The following NPEPPS variants were observed in gnomAD, a reference collection of about 807,000 sequenced individuals.
NPEPPS encodes the protein puromycin-sensitive aminopeptidase.
In NPEPPS, 14 loss-of-function variants were observed where a neutral mutation model predicts 115.5. The ratio of observed to expected loss-of-function variants is 0.12; its 90% CI spans 0.08 to 0.19. The LOEUF (loss-of-function observed/expected upper bound fraction) is 0.19, where lower values mean the gene tolerates loss of function less well. Ranked by LOEUF, NPEPPS falls within the 10% of genes least tolerant of loss-of-function variation. The probability of loss-of-function intolerance (pLI) is 1.00; values close to 1 mark genes in which losing one functional copy is unlikely to be tolerated. For synonymous variants in NPEPPS, 285 were observed against 390.6 expected (o/e 0.73, Z 3.19); for missense variants, 523 against 1,110.8 (o/e 0.47, Z 7.52).
chr17:47,545,937 T>C lies in NPEPPS; in HGVS notation c.284T>C (p.Met95Thr), dbSNP rs1909167935. 6.4e-7 allele frequency: 1 copy of C among 1,562,326 alleles called. No homozygotes were observed. Among genetic ancestry groups the C allele is most frequent in the African/African-American group, 1.4e-5 (1 of 73,488 alleles). Residue 95 changes from methionine to threonine, a missense_variant, in exon 2 of 23, where the codon ATG becomes ACG. By Grantham distance (81) the Met-to-Thr change is moderately conservative. This residue lies in a region of NPEPPS where 144 missense variants were observed against 512.4 expected (regional missense o/e 0.28). Coordinates refer to ENST00000322157, the MANE Select transcript of NPEPPS (RefSeq NM_006310.4). ...QVRQATNQIVMNCADIDIITA... is the reference protein window; with the variant it reads ...QVRQATNQIVTNCADIDIITA... The stretch of plus-strand genomic sequence containing the variant: ...AGGCAGGCGACTAATCAGATTGTGA[T>C]GAATTGTGCTGATATTGATATTATT...
chr17:47,569,599 GATTAAGT>G (rs1911067467), intron 3 of NPEPPS, 105 bp downstream of exon 3: 1 of 625,306 alleles, frequency 1.6e-6, no homozygotes, highest in Admixed American at 3.1e-5. Flanking sequence ...GTTATTAGCA[GATTAAGT>G]ATTAAGAGCT....
At chr17:47,562,906 G>A (rs1474129706) in intron 2 of NPEPPS, among the ~76,000 whole-genome samples, 7 of 151,390 alleles carry the variant, frequency 4.6e-5, no homozygotes, top group Admixed American at 6.6e-5. Context: ...TTTTTAAAAC[G>A]TGGTCTTTAT....
At chr17:47,532,505 T>G (rs1013562380) in intron 1 of NPEPPS, among the ~76,000 whole-genome samples, 5 of 151,440 alleles carry the variant, frequency 3.3e-5, no homozygotes, top group Admixed American at 6.6e-5. Context: ...AATACAAAAA[T>G]TAGCGGGGCG....
At chr17:47,567,240 G>T (rs888862830) in intron 2 of NPEPPS, among the ~76,000 whole-genome samples, 17 of 152,182 alleles carry the variant, frequency 1.1e-4, no homozygotes, top group Non-Finnish European at 2.4e-4. Context: ...AAATGAGGAA[G>T]ATTTGATTAG....
intron 1 of NPEPPS, among the ~76,000 whole-genome samples, chr17:47,532,179 A>T (rs901500589): frequency 6.6e-6 from 1 of 151,868 alleles, no homozygotes; most frequent in Non-Finnish European, 1.5e-5. Flanking sequence ...GGTTTCCAAG[A>T]TGATCCGCCC....
chr17:47,610,023 C>CT (rs1567870295), intron 17 of NPEPPS, among the ~76,000 whole-genome samples: 4 of 152,106 alleles, frequency 2.6e-5, no homozygotes, highest in African/African-American at 9.6e-5. Context: ...TGGATGTTAA[C>CT]TTTTTTTGAG....
chr17:47,546,591 T>C (rs1357431029), intron 2 of NPEPPS, among the ~76,000 whole-genome samples: 1 of 152,056 alleles, frequency 6.6e-6, no homozygotes, highest in Admixed American at 6.6e-5. Context: ...CAGGCTGGAG[T>C]GCAGTGGCGT....
chr17:47,526,778 GA>G (rs1299637235), upstream of NPEPPS, among the ~76,000 whole-genome samples: 1 of 151,916 alleles, frequency 6.6e-6, no homozygotes, highest in African/African-American at 2.4e-5. Flanking sequence ...CTAACACGGT[GA>G]AACCCTGTCT....
chr17:47,611,074 G>C (rs1389379266), intron 17 of NPEPPS, among the ~76,000 whole-genome samples: 1 of 151,008 alleles, frequency 6.6e-6, no homozygotes, highest in Admixed American at 6.6e-5. Context: ...GGATGGTCTC[G>C]ATCTCCTGAC....
In NPEPPS at chr17:47,621,916, T is replaced by G; in HGVS notation, c.2756T>G (p.Val919Gly). 6.2e-7 allele frequency: 1 copy of G among 1,610,820 alleles called. No homozygotes were observed. Among genetic ancestry groups the G allele is most frequent in the Non-Finnish European group, 8.5e-7 (1 of 1,178,340 alleles). The change falls in exon 23 of 23, where the codon GTG (valine) becomes GGG (glycine). Residue 919 changes from valine (V) to glycine (G), a missense_variant. Val to Gly is a moderately radical substitution (Grantham distance 109). Coordinates refer to ENST00000322157, the MANE Select transcript of NPEPPS (RefSeq NM_006310.4). ...CAGCGGAAGGCCTCACCACCCACAG[T>G]GTGAATCCTGAGGTGCCGCCATTGG... Reference protein sequence around the residue: ...LLQRKASPPTV With the variant: ...LLQRKASPPTG
Position 47,613,690 on chromosome 17 carries a change from C to A in NPEPPS, c.2260C>A (p.His754Asn). Residue 754 changes from histidine to asparagine, a missense_variant, in exon 19 of 23, where the codon CAT becomes AAT. By Grantham distance (68) the His-to-Asn change is moderately conservative (BLOSUM62 1). This residue lies in a region of NPEPPS where 372 missense variants were observed against 542.6 expected (regional missense o/e 0.69). Transcript: ENST00000322157. The stretch of plus-strand genomic sequence containing the variant: ...GTAGGTCTATCTGACTGTTTTGAAG[C>A]ATGGTGATGGCACTACTTTAGATAT... The part of the protein sequence containing the change: ...RSPVYLTVLK[H>N]GDGTTLDIML... The A allele has an allele frequency of 6.2e-7, 1 of 1,610,866 alleles. No homozygotes were observed. Among genetic ancestry groups the A allele is most frequent in the Non-Finnish European group, 8.5e-7 (1 of 1,178,748 alleles).
chr17:47,526,135 C>T (rs964708397), upstream of NPEPPS, among the ~76,000 whole-genome samples: 5 of 152,142 alleles, frequency 3.3e-5, no homozygotes, highest in African/African-American at 7.2e-5. Flanking sequence ...TCGCTTGAAC[C>T]TAGGAGGCGG....
At position 47,559,883 on chromosome 17, in the gene NPEPPS, C is replaced by T. The variant is rs534714388; in HGVS notation, c.341-9534C>T. On this transcript the variant is annotated intron_variant, in intron 2 of 22. Transcript: ENST00000322157. ...CTCGCCTCCCAAAATGCTGGGATTA[C>T]AGACACAGTGCCCACCCAGCCACAA... 3.3e-5 allele frequency among the ~76,000 whole-genome samples: 5 copies of T among 152,256 alleles called. No homozygotes were observed. The East Asian group carries it at 9.7e-4, about 29-fold the overall frequency.
At chr17:47,586,287 T>C (rs1597863890) in intron 7 of NPEPPS, 43 bp downstream of exon 7, 1 of 1,117,248 alleles carries the variant, frequency 9.0e-7, no homozygotes, top group East Asian at 2.9e-5. Context: ...AATAACTTTT[T>C]AAAATTTTGT....
intron 2 of NPEPPS, chr17:47,557,641 G>T (rs1910139197): frequency 6.7e-6 from 1 of 149,004 alleles, no homozygotes; most frequent in South Asian, 2.2e-4. Flanking sequence ...TTTAGCTGCA[G>T]CCCACACTTT....
chr17:47,554,015 G>A (rs1401292613), intron 2 of NPEPPS, among the ~76,000 whole-genome samples: 1 of 150,088 alleles, frequency 6.7e-6, no homozygotes, highest in East Asian at 2.0e-4. Context: ...CTCCCAAATT[G>A]CTGGGATTAC....
intron 19 of NPEPPS, among the ~76,000 whole-genome samples, chr17:47,616,369 G>T (rs982431547): frequency 6.6e-6 from 1 of 151,940 alleles, no homozygotes; most frequent in African/African-American, 2.4e-5. Context: ...GCAACATGGA[G>T]AAACTCCGGC....
At chr17:47,541,536 C>G (rs1418201222) in intron 1 of NPEPPS, among the ~76,000 whole-genome samples, 3 of 152,056 alleles carry the variant, frequency 2.0e-5, no homozygotes, top group African/African-American at 7.2e-5. Context: ...GCCACCACGC[C>G]CAGCTAATCT....
chr17:47,610,057 T>G (rs1359996277), intron 17 of NPEPPS, among the ~76,000 whole-genome samples: 1 of 152,088 alleles, frequency 6.6e-6, no homozygotes, highest in Non-Finnish European at 1.5e-5. Context: ...ACCATAAAAT[T>G]CACCCTTTTA....
Sources: gnomAD v4.1 joint callset for allele counts (sites outside exome capture counted in the v4.1 genomes callset) on GRCh38, gnomAD v4.1.1 for gene constraint, gnomAD v4.1.1 regional missense constraint, MANE v1.5 for transcripts, NCBI Gene and HGNC (gene_info 2026-07-23, HGNC 2026-07-21) for gene names.